The following NDUFAF2 variants were observed in gnomAD, a reference collection of about 807,000 sequenced individuals.
The protein encoded by NDUFAF2 is NADH dehydrogenase [ubiquinone] 1 alpha subcomplex assembly factor 2.
In NDUFAF2, 13 loss-of-function variants were observed where a neutral mutation model predicts 22.8. That is an observed-to-expected ratio of 0.57 (90% CI 0.37 to 0.91). The LOEUF (loss-of-function observed/expected upper bound fraction) is 0.91, where lower values mean the gene tolerates loss of function less well. Among genes scored for constraint, NDUFAF2 ranks in the 40% least tolerant of loss-of-function variants. The pLI, the probability that NDUFAF2 is intolerant of heterozygous loss-of-function variation, is 0.01. For synonymous variants in NDUFAF2, 53 were observed against 64.2 expected (o/e 0.83, Z 0.84); for missense variants, 162 against 195.2 (o/e 0.83, Z 1.01).
chr5:61,089,022 A>C (rs1752537207), intron 2 of NDUFAF2, among the ~76,000 whole-genome samples: 1 of 152,116 alleles, frequency 6.6e-6, no homozygotes, highest in African/African-American at 2.4e-5. Flanking sequence ...CTAAAGGTGT[A>C]CTTGCCATTT....
chr5:61,087,879 A>G (rs1009633211), intron 2 of NDUFAF2, among the ~76,000 whole-genome samples: 10 of 152,154 alleles, frequency 6.6e-5, no homozygotes, highest in Non-Finnish European at 1.3e-4. Context: ...GCTGTATGTC[A>G]ACATTACCAC....
chr5:61,131,800 CAT>C (rs1753115262), intron 3 of NDUFAF2, among the ~76,000 whole-genome samples: 1 of 151,934 alleles, frequency 6.6e-6, no homozygotes, highest in Admixed American at 6.6e-5. Context: ...ATTATAAACA[CAT>C]GTATATGCAG....
At chr5:61,078,272 T>TTATAAA (rs78532196) in intron 2 of NDUFAF2, among the ~76,000 whole-genome samples, 1 of 151,332 alleles carries the variant, frequency 6.6e-6, no homozygotes, top group Non-Finnish European at 1.5e-5. Flanking sequence ...GCTCAATAGT[T>TTATAAA]AAGTAAATAT....
intron 1 of NDUFAF2, among the ~76,000 whole-genome samples, chr5:61,065,159 A>G (rs1020969817): frequency 2.6e-5 from 4 of 152,046 alleles, no homozygotes; most frequent in African/African-American, 9.7e-5. Flanking sequence ...TCAGGAAGAA[A>G]TAGAAAGCAT....
intron 1 of NDUFAF2, among the ~76,000 whole-genome samples, chr5:60,958,169 A>G (rs1228727125): frequency 1.3e-5 from 2 of 152,164 alleles, no homozygotes; most frequent in African/African-American, 2.4e-5. Context: ...TTCTCATGTG[A>G]CAGATAGTTA....
At chr5:60,951,313 A>C (rs1286751298) in intron 1 of NDUFAF2, among the ~76,000 whole-genome samples, 1 of 152,198 alleles carries the variant, frequency 6.6e-6, no homozygotes, top group Non-Finnish European at 1.5e-5. Flanking sequence ...TTACAGGAGT[A>C]AACCAGATGC....
At chr5:60,996,820 T>A (rs993634512) in intron 1 of NDUFAF2, among the ~76,000 whole-genome samples, 1 of 152,158 alleles carries the variant, frequency 6.6e-6, no homozygotes, top group Non-Finnish European at 1.5e-5. Context: ...AAGCACTGAG[T>A]TCTGTGCCTT....
intron 1 of NDUFAF2, among the ~76,000 whole-genome samples, chr5:61,053,031 C>T (rs956715542): frequency 3.9e-5 from 6 of 152,194 alleles, no homozygotes; most frequent in Non-Finnish European, 8.8e-5. Context: ...ATGTGAGTCA[C>T]TTCATTGGCA....
At chr5:61,035,107 C>T in intron 1 of NDUFAF2, among the ~76,000 whole-genome samples, 1 of 151,232 alleles carries the variant, frequency 6.6e-6, no homozygotes, top group Non-Finnish European at 1.5e-5. Flanking sequence ...CACTCTGTCG[C>T]CCAGGCTGGA....
intron 3 of NDUFAF2, among the ~76,000 whole-genome samples, chr5:61,113,584 C>T (rs1752872446): frequency 6.6e-6 from 1 of 152,070 alleles, no homozygotes; most frequent in Admixed American, 6.6e-5. Context: ...AGTGAGTTCT[C>T]ACACAATCTG....
intron 3 of NDUFAF2, among the ~76,000 whole-genome samples, chr5:61,142,771 T>C (rs901719986): frequency 2.0e-5 from 3 of 152,222 alleles, no homozygotes; most frequent in African/African-American, 2.4e-5. Context: ...ATTTACTCTT[T>C]GGGTTTCTAC....
intron 1 of NDUFAF2, among the ~76,000 whole-genome samples, chr5:61,062,933 G>A (rs1752183704): frequency 2.0e-5 from 3 of 152,112 alleles, no homozygotes. Context: ...TAAACTGACA[G>A]TTAAGAATAC....
chr5:60,945,475 C>T, intron 1 of NDUFAF2, 93 bp downstream of exon 1: 3 of 1,540,874 alleles, frequency 1.9e-6, no homozygotes, highest in Non-Finnish European at 2.7e-6. Flanking sequence ...ACTAACGCAT[C>T]ATGCGACACT....
intron 1 of NDUFAF2, among the ~76,000 whole-genome samples, chr5:61,048,259 T>G (rs937418934): frequency 1.3e-5 from 2 of 152,194 alleles, no homozygotes; most frequent in African/African-American, 4.8e-5. Flanking sequence ...ATATGTTTGC[T>G]TGTTTATCTA....
chr5:61,107,869 A>G lies in NDUFAF2; in HGVS notation c.258+8837A>G, dbSNP rs546253451. Among the ~76,000 whole-genome samples, 59 of 129,554 alleles carry G rather than the reference A, an allele frequency of 4.6e-4. 1 individual carries two copies. In the South Asian group the frequency reaches 0.014, roughly 30 times the overall value. 85.0% of individuals were successfully genotyped at this position (129,554 alleles called of 152,430 possible). A position where few individuals can be genotyped will look rare whatever the true frequency, so the allele number is the denominator to read the frequency against. On this transcript the variant is annotated intron_variant, in intron 3 of 3. Coordinates refer to ENST00000296597, the MANE Select transcript of NDUFAF2 (RefSeq NM_174889.5). ...GTGTGATGTTGCCCTTCCTGTGTCT[A>G]TGTGTTCTCATTGTTCAATTCCCAC...
chr5:61,101,075 TAAC>T (rs1752699656), intron 3 of NDUFAF2, among the ~76,000 whole-genome samples: 1 of 152,190 alleles, frequency 6.6e-6, no homozygotes, highest in Non-Finnish European at 1.5e-5. Flanking sequence ...CTTACCACTG[TAAC>T]TTTTACACTC....
At chr5:61,147,630 A>G (rs1741162231) in intron 3 of NDUFAF2, among the ~76,000 whole-genome samples, 2 of 151,514 alleles carry the variant, frequency 1.3e-5, no homozygotes, top group South Asian at 2.1e-4. Flanking sequence ...GTCCAATCCA[A>G]ATTTTTGCAA....
At chr5:61,005,406 A>G (rs1485543321) in intron 1 of NDUFAF2, among the ~76,000 whole-genome samples, 1 of 152,184 alleles carries the variant, frequency 6.6e-6, no homozygotes. Context: ...ATACGTGTGC[A>G]TGTGTCTTTA....
At chr5:61,095,083 C>T (rs1752621716) in intron 2 of NDUFAF2, among the ~76,000 whole-genome samples, 1 of 152,154 alleles carries the variant, frequency 6.6e-6, no homozygotes, top group African/African-American at 2.4e-5. Flanking sequence ...ACCGAAACAG[C>T]AAAGATGGCG....
Sources: gnomAD v4.1 joint callset for allele counts (sites outside exome capture counted in the v4.1 genomes callset) on GRCh38, gnomAD v4.1.1 for gene constraint, MANE v1.5 for transcripts, NCBI Gene and HGNC (gene_info 2026-07-23, HGNC 2026-07-21) for gene names.